The following AIMP1 variants were observed in gnomAD, a reference collection of about 807,000 sequenced individuals.
AIMP1 encodes the protein aminoacyl tRNA synthase complex-interacting multifunctional protein 1.
Under a neutral mutation model 33.1 loss-of-function variants are expected in AIMP1, and 24 were observed. The ratio of observed to expected loss-of-function variants is 0.73; its 90% confidence interval spans 0.53 to 1.02. The LOEUF is 1.02. Among genes scored for constraint, AIMP1 ranks in the 50% least tolerant of loss-of-function variants. AIMP1 has a pLI of 0.00. For synonymous variants in AIMP1, 120 were observed against 121.5 expected, an observed-to-expected ratio of 0.99 and a Z score of 0.08; for missense variants, 367 against 364.8, an observed-to-expected ratio of 1.01 and a Z score of -0.05.
chr4:106,336,805 T>A (rs1769902175), intron 5 of AIMP1, 64 bp from the exon 6 acceptor site: 6 of 1,428,540 alleles, frequency 4.2e-6, no homozygotes, highest in Non-Finnish European at 5.9e-6. Context: ...TAGCTTAATG[T>A]AGTCTGGATA....
At chr4:106,340,496 C>T (rs988474632) in intron 6 of AIMP1, among the ~76,000 whole-genome samples, 8 of 152,116 alleles carry the variant, frequency 5.3e-5, no homozygotes, top group African/African-American at 9.7e-5. Context: ...TCTGTGTATA[C>T]GCAATGTTTA....
At chr4:106,316,694 G>T in intron 1 of AIMP1, 100 bp downstream of exon 1, 2 of 1,212,780 alleles carry the variant, frequency 1.6e-6, no homozygotes, top group Non-Finnish European at 2.3e-6. Context: ...GACCTGGCCT[G>T]CGCTGCTAAT....
chr4:106,316,553 TC>T lies in AIMP1; in HGVS notation c.-65del. 1 of 1,551,580 alleles carries T rather than the reference TC, an allele frequency of 6.4e-7. No homozygotes were observed. The highest frequency in any genetic ancestry group is 8.7e-7 in the Non-Finnish European group (1 of 1,146,948). ...ACGCGGGTGGCTGGACCTACATGCT[TC>T]CTGCTGTGGCTGTCTCGGAACCCGT... On this transcript the variant is annotated 5_prime_UTR_variant, in exon 1 of 7. Coordinates refer to ENST00000672341, the MANE Select transcript of AIMP1 (RefSeq NM_001142416.2).
Position 106,347,598 on chromosome 4 carries a change from A to G in AIMP1, c.845A>G (p.Asp282Gly). 6.2e-7 allele frequency: 1 copy of G among 1,613,522 alleles called. No homozygotes were observed. The highest frequency in any genetic ancestry group is 1.3e-5 in the African/African-American group (1 of 75,002). The change falls in exon 7 of 7, where the codon GAT becomes GGT. Residue 282 changes from aspartate to glycine, a missense_variant. Physicochemically the swap from Asp to Gly is moderately conservative, Grantham distance 94. Transcript: ENST00000672341. ...ATCCAGCCTGATCTTCACACTAATG[A>G]TGAGTGTGTGGCTACATACAAAGGA... ...EQIQPDLHTNDECVATYKGVP... is the reference protein window; with the variant it reads ...EQIQPDLHTNGECVATYKGVP...
At chr4:106,339,568 T>C (rs541157607) in intron 6 of AIMP1, among the ~76,000 whole-genome samples, 14 of 152,358 alleles carry the variant, frequency 9.2e-5, no homozygotes, top group African/African-American at 3.1e-4. Flanking sequence ...ATTAAACCTC[T>C]TTCCTTTAGA....
rs568659809 is a variant in AIMP1, at chr4:106,339,727, G to A, written c.772+2690G>A. On this transcript the variant is annotated intron_variant, in intron 6 of 6. Transcript: ENST00000672341. ...TGGATAGAGAACAGATTAATGTGCT[G>A]CAAAATCTCTTATGCTGTAGATTGT... Among the ~76,000 whole-genome samples the A allele has an allele frequency of 5.1e-4, 77 of 152,326 alleles. 2 individuals carry two copies. In the South Asian group the frequency reaches 0.016, roughly 31 times the overall value.
At chr4:106,316,390 A>G, upstream of AIMP1, 2 of 682,312 alleles carry the variant, frequency 2.9e-6, no homozygotes, top group South Asian at 1.7e-5. Flanking sequence ...GGGTGAGGGA[A>G]TGGAAGACGA....
Position 106,348,944 on chromosome 4 carries a change from TAAG to T in AIMP1, c.*1256_*1258del, listed in dbSNP as rs1439898360. 3 of 152,006 alleles carry T rather than the reference TAAG, an allele frequency of 2.0e-5. No homozygotes were observed. Among genetic ancestry groups the T allele is most frequent in the Non-Finnish European group, 4.4e-5 (3 of 68,002 alleles). The allele number at this position is 152,006 out of a possible 1,614,324, so 9.4% of individuals were successfully genotyped here. A position where few individuals can be genotyped will look rare whatever the true frequency, so the allele number is the denominator to read the frequency against. ...CATTATAGCTGTCTGAATCCTTCAA[TAAG>T]AAGGAGAGGCACACACAAATACACA... On this transcript the variant is annotated 3_prime_UTR_variant, in exon 7 of 7. Coordinates refer to ENST00000672341, the MANE Select transcript of AIMP1 (RefSeq NM_001142416.2).
At position 106,316,583 on chromosome 4, in the gene AIMP1, C is replaced by G. The variant is rs549111313; in HGVS notation, c.-37C>G. ...CTGTGGCTGTCTCGGAACCCGTGGT[C>G]CTCCGCTTCATGTGAGTGACGTCGT... On this transcript the variant is annotated 5_prime_UTR_variant, in exon 1 of 7. Coordinates refer to ENST00000672341, the MANE Select transcript of AIMP1 (RefSeq NM_001142416.2). 3.8e-5 allele frequency: 59 copies of G among 1,551,386 alleles called. No individual in the cohort carries two copies. The highest frequency in any genetic ancestry group is 5.0e-5 in the Non-Finnish European group (57 of 1,146,912).
At chr4:106,321,114 C>T (rs1769208675) in intron 1 of AIMP1, among the ~76,000 whole-genome samples, 1 of 152,302 alleles carries the variant, frequency 6.6e-6, no homozygotes. Flanking sequence ...ACCTCCCAGC[C>T]GCCTGCCTTG....
chr4:106,328,356 A>T, intron 4 of AIMP1, 113 bp downstream of exon 4: 2 of 1,298,612 alleles, frequency 1.5e-6, no homozygotes, highest in Non-Finnish European at 2.1e-6. Flanking sequence ...TTCATGAGCT[A>T]GGATAAAATT....
chr4:106,329,214 G>A (rs1192760350), intron 4 of AIMP1, among the ~76,000 whole-genome samples: 5 of 152,020 alleles, frequency 3.3e-5, no homozygotes, highest in Admixed American at 6.5e-5. Context: ...ACCACTAGGT[G>A]GTATGATTAC....
intron 6 of AIMP1, among the ~76,000 whole-genome samples, chr4:106,338,663 A>G (rs1017834834): frequency 6.6e-6 from 1 of 152,216 alleles, no homozygotes; most frequent in Non-Finnish European, 1.5e-5. Context: ...CAGTGCAGAA[A>G]GGAACTGTGG....
At chr4:106,336,113 C>A (rs1369822212) in intron 5 of AIMP1, among the ~76,000 whole-genome samples, 1 of 128,584 alleles carries the variant, frequency 7.8e-6, no homozygotes, top group Non-Finnish European at 1.6e-5. Context: ...AATCAAGGCT[C>A]ATTGCAGCCT....
At chr4:106,338,164 TA>T (rs1457545915) in intron 6 of AIMP1, among the ~76,000 whole-genome samples, 17 of 152,258 alleles carry the variant, frequency 1.1e-4, no homozygotes, top group African/African-American at 4.1e-4. Flanking sequence ...AAGCAGAGCA[TA>T]AAAGTTTGAA....
rs550240185 is a variant in AIMP1, at chr4:106,317,994, G to C, written c.-26+1400G>C. On this transcript the variant is annotated intron_variant, in intron 1 of 6. Transcript: ENST00000672341. ...CTCTGTACTGGGGAGGAAAGTTTTT[G>C]TGTTAATGACGATGGTATTTAGAAA... Among the ~76,000 whole-genome samples, 48 of 152,176 alleles carry C rather than the reference G, an allele frequency of 3.2e-4. No individual in the cohort carries two copies. In the South Asian group the frequency reaches 1.0e-2, roughly 32 times the overall value.
At chr4:106,339,566 T>A (rs1462312221) in intron 6 of AIMP1, among the ~76,000 whole-genome samples, 1 of 152,258 alleles carries the variant, frequency 6.6e-6, no homozygotes, top group Non-Finnish European at 1.5e-5. Flanking sequence ...CAATTAAACC[T>A]CTTTCCTTTA....
At position 106,343,033 on chromosome 4, in the gene AIMP1, T is replaced by G. The variant is rs575023287; in HGVS notation, c.773-4493T>G. Among the ~76,000 whole-genome samples, 5 of 151,990 alleles carry G rather than the reference T, an allele frequency of 3.3e-5. No individual in the cohort carries two copies. In the East Asian group the frequency reaches 9.7e-4, roughly 29 times the overall value. On this transcript the variant is annotated intron_variant, in intron 6 of 6. Coordinates refer to ENST00000672341, the MANE Select transcript of AIMP1 (RefSeq NM_001142416.2). ...CAACCTCCCACCTCAGCCTCCTAAG[T>G]AGCTAGGACTATGGGCATGCGCCAC...
At chr4:106,327,712 G>A (rs1407371542) in intron 3 of AIMP1, 148 bp downstream of exon 3, 2 of 634,438 alleles carry the variant, frequency 3.2e-6, no homozygotes, top group East Asian at 2.9e-5. Flanking sequence ...ATAAAATGGG[G>A]GCATGGATAG....
Sources: gnomAD v4.1 joint callset for allele counts (sites outside exome capture counted in the v4.1 genomes callset) on GRCh38, gnomAD v4.1.1 for gene constraint, MANE v1.5 for transcripts, NCBI Gene and HGNC (gene_info 2026-07-23, HGNC 2026-07-21) for gene names.